ARB2A: variants seen among roughly 807,000 people sequenced by gnomAD.
ARB2A encodes the protein ARB2 cotranscriptional regulator A.
chr5:93,849,359 A>T, the ARB2A span, among the ~76,000 whole-genome samples: 1 of 152,202 alleles, frequency 6.6e-6, no homozygotes, highest in Non-Finnish European at 1.5e-5. Flanking sequence ...TTTTCTACTG[A>T]GTTCAAAAGA....
At chr5:93,891,569 C>T in the ARB2A span, among the ~76,000 whole-genome samples, 1 of 151,978 alleles carries the variant, frequency 6.6e-6, no homozygotes, top group Admixed American at 6.6e-5. Context: ...TATCACCAGA[C>T]AAATGTATAC....
At chr5:93,721,909 G>A in the ARB2A span, among the ~76,000 whole-genome samples, 2 of 152,128 alleles carry the variant, frequency 1.3e-5, no homozygotes, top group Non-Finnish European at 2.9e-5. Context: ...ATAGAGCATT[G>A]TTTCCCTATT....
the ARB2A span, among the ~76,000 whole-genome samples, chr5:93,878,400 T>C: frequency 6.6e-6 from 1 of 151,966 alleles, no homozygotes; most frequent in South Asian, 2.1e-4. Context: ...AAGAGCTATG[T>C]GACCTTTGAA....
the ARB2A span, among the ~76,000 whole-genome samples, chr5:93,654,431 T>C: frequency 2.0e-5 from 3 of 152,192 alleles, no homozygotes; most frequent in Non-Finnish European, 2.9e-5. Flanking sequence ...CTTCCCTTAT[T>C]TGTGTCCATG....
the ARB2A span, among the ~76,000 whole-genome samples, chr5:93,909,861 A>G: frequency 6.6e-6 from 1 of 150,986 alleles, no homozygotes; most frequent in South Asian, 2.1e-4. Context: ...GAGGGTTTTA[A>G]AAATTTTTGC....
chr5:93,947,381 C>G, the ARB2A span, among the ~76,000 whole-genome samples: 1 of 151,942 alleles, frequency 6.6e-6, no homozygotes, highest in Non-Finnish European at 1.5e-5. Flanking sequence ...GTTTATTTAC[C>G]CTACCTGGTA....
At chr5:93,807,761 T>A in the ARB2A span, among the ~76,000 whole-genome samples, 1 of 151,980 alleles carries the variant, frequency 6.6e-6, no homozygotes, top group African/African-American at 2.4e-5. Flanking sequence ...TTAACGTAGC[T>A]TTTTCAAATA....
chr5:93,971,041 C>G, the ARB2A span, among the ~76,000 whole-genome samples: 6 of 151,760 alleles, frequency 4.0e-5, no homozygotes, highest in African/African-American at 1.5e-4. Context: ...CACAGTTGCC[C>G]AGGCTGGAGT....
chr5:93,781,832 TTTAAACATAC>T, the ARB2A span: 4 of 955,590 alleles, frequency 4.2e-6, no homozygotes, highest in South Asian at 4.8e-5. Context: ...ATCACATTAA[TTTAAACATAC>T]TTAAACATAC....
At chr5:93,964,435 CA>C in the ARB2A span, 1 of 1,464,988 alleles carries the variant, frequency 6.8e-7, no homozygotes, top group African/African-American at 1.4e-5. Context: ...TTGAAATAAA[CA>C]TTTCTTTAAA....
At chr5:93,771,041 C>T in the ARB2A span, among the ~76,000 whole-genome samples, 1 of 152,298 alleles carries the variant, frequency 6.6e-6, no homozygotes, top group African/African-American at 2.4e-5. Flanking sequence ...ATCACACTAC[C>T]TGACTTCAAA....
chr5:93,994,908 A>C, the ARB2A span, among the ~76,000 whole-genome samples: 2 of 140,656 alleles, frequency 1.4e-5, no homozygotes, highest in African/African-American at 5.9e-5. Flanking sequence ...CCTGTCTCTA[A>C]ATAAATAAAT....
chr5:93,628,708 T>G, the ARB2A span, among the ~76,000 whole-genome samples: 2 of 152,324 alleles, frequency 1.3e-5, no homozygotes, highest in Middle Eastern at 3.4e-3. Context: ...TGAACCAACC[T>G]CTTCTGAAGT....
chr5:93,631,964 T>A, the ARB2A span, among the ~76,000 whole-genome samples: 2 of 152,214 alleles, frequency 1.3e-5, no homozygotes, highest in African/African-American at 2.4e-5. Context: ...AATTGTGAAT[T>A]CTATTATAAA....
chr5:93,730,867 T>C, the ARB2A span, among the ~76,000 whole-genome samples: 1 of 152,152 alleles, frequency 6.6e-6, no homozygotes, highest in African/African-American at 2.4e-5. Context: ...AAAATACAGA[T>C]AAATAAGAAG....
chr5:94,034,974 G>A, the ARB2A span, among the ~76,000 whole-genome samples: 11 of 152,080 alleles, frequency 7.2e-5, no homozygotes, highest in East Asian at 3.9e-4. Flanking sequence ...TCTAACTAAC[G>A]CTTGATGATC....
At chr5:93,705,811 T>C in the ARB2A span, among the ~76,000 whole-genome samples, 1 of 152,042 alleles carries the variant, frequency 6.6e-6, no homozygotes, top group Non-Finnish European at 1.5e-5. Context: ...TGCAGAGAAA[T>C]GATTAGTAAT....
the ARB2A span, among the ~76,000 whole-genome samples, chr5:93,718,513 G>GA: frequency 6.6e-6 from 1 of 151,992 alleles, no homozygotes; most frequent in Non-Finnish European, 1.5e-5. Context: ...AGAACGTGGA[G>GA]AAAAAATATA....
chr5:93,881,585 GCTGGTTCAT>G, the ARB2A span: 1 of 1,609,946 alleles, frequency 6.2e-7, no homozygotes, highest in South Asian at 1.1e-5. Context: ...CCGTTTTTCT[GCTGGTTCAT>G]CTGAACTATC....
Sources: gnomAD v4.1 joint callset for allele counts (sites outside exome capture counted in the v4.1 genomes callset) on GRCh38, gnomAD v4.1.1 for gene constraint, MANE v1.5 for transcripts, NCBI Gene and HGNC (gene_info 2026-07-23, HGNC 2026-07-21) for gene names.